The following RASGRF2 variants were observed in gnomAD, a reference collection of about 807,000 sequenced individuals.
The protein encoded by RASGRF2 is Ras protein specific guanine nucleotide releasing factor 2.
In RASGRF2, 76 loss-of-function variants were observed where a neutral mutation model predicts 151.0. That is an observed-to-expected ratio of 0.50 (90% CI 0.42 to 0.61). The LOEUF is 0.61. RASGRF2 is among the 20% of genes least tolerant of loss of function. The probability of loss-of-function intolerance (pLI) is 0.00; values close to 1 mark genes in which losing one functional copy is unlikely to be tolerated. For synonymous variants in RASGRF2, 504 were observed against 566.5 expected (o/e 0.89, Z 1.57); for missense variants, 1,148 against 1,564.6 (o/e 0.73, Z 4.49).
chr5:81,053,572 G>A (rs535082740), intron 2 of RASGRF2, among the ~76,000 whole-genome samples: 94 of 152,206 alleles, frequency 6.2e-4, no homozygotes, highest in Non-Finnish European at 1.2e-3. Flanking sequence ...TGTGAATAGT[G>A]CTGCAATAAA....
At chr5:81,125,082 TC>T (rs984630653) in intron 16 of RASGRF2, among the ~76,000 whole-genome samples, 23 of 152,156 alleles carry the variant, frequency 1.5e-4, no homozygotes, top group Non-Finnish European at 2.8e-4. Flanking sequence ...AGACGGGTTT[TC>T]ACTTTGTCGG....
chr5:81,220,156 TA>T (rs1448875442), intron 26 of RASGRF2, among the ~76,000 whole-genome samples: 1 of 152,162 alleles, frequency 6.6e-6, no homozygotes, highest in Non-Finnish European at 1.5e-5. Flanking sequence ...CTCCCTTACA[TA>T]AAACATTTTC....
At chr5:81,179,665 A>AT (rs1184841663) in intron 17 of RASGRF2, among the ~76,000 whole-genome samples, 2 of 152,168 alleles carry the variant, frequency 1.3e-5, no homozygotes, top group East Asian at 3.8e-4. Flanking sequence ...CTCTTGTAGT[A>AT]TTTTTTAAAT....
chr5:81,021,555 C>T (rs1184818669), intron 1 of RASGRF2, among the ~76,000 whole-genome samples: 6 of 128,460 alleles, frequency 4.7e-5, no homozygotes, highest in Middle Eastern at 4.7e-3. Flanking sequence ...TGAGATTGTG[C>T]GAGCGTGTGT....
chr5:81,090,606 G>A (rs1056021795), intron 9 of RASGRF2, among the ~76,000 whole-genome samples: 2 of 152,050 alleles, frequency 1.3e-5, no homozygotes, highest in Non-Finnish European at 1.5e-5. Flanking sequence ...ATTTCTGTAT[G>A]TACCTAATGT....
chr5:80,969,059 C>A (rs1747816562), intron 1 of RASGRF2, among the ~76,000 whole-genome samples: 1 of 149,386 alleles, frequency 6.7e-6, no homozygotes, highest in African/African-American at 2.5e-5. Flanking sequence ...GCAATTAAAT[C>A]ATTGGTGATC....
chr5:81,051,443 A>G (rs954672444), intron 2 of RASGRF2, among the ~76,000 whole-genome samples: 2 of 152,190 alleles, frequency 1.3e-5, no homozygotes, highest in Non-Finnish European at 2.9e-5. Context: ...AGCATTTTCA[A>G]CACCACAAAA....
At chr5:81,027,135 T>G (rs980919691) in intron 1 of RASGRF2, among the ~76,000 whole-genome samples, 2 of 152,216 alleles carry the variant, frequency 1.3e-5, no homozygotes, top group African/African-American at 4.8e-5. Flanking sequence ...CCACCGTCTA[T>G]TTCCAGAATG....
At chr5:81,078,851 G>C (rs565385080) in intron 5 of RASGRF2, among the ~76,000 whole-genome samples, 2 of 152,312 alleles carry the variant, frequency 1.3e-5, no homozygotes, top group African/African-American at 4.8e-5. Flanking sequence ...GAAAGGCTGG[G>C]GGAGTAAAGT....
intron 26 of RASGRF2, chr5:81,223,427 G>A (rs899627466): frequency 6.6e-6 from 1 of 151,870 alleles, no homozygotes; most frequent in Non-Finnish European, 1.5e-5. Context: ...GGATCACAAG[G>A]TCAGGAGATC....
At chr5:81,074,717 G>A (rs1330591113) in intron 5 of RASGRF2, among the ~76,000 whole-genome samples, 1 of 152,150 alleles carries the variant, frequency 6.6e-6, no homozygotes, top group African/African-American at 2.4e-5. Context: ...ATTACAATCT[G>A]TGAATGTACC....
Position 81,113,519 on chromosome 5 carries a change from C to G in RASGRF2, c.2088-19C>G. On this transcript the variant is annotated intron_variant, in intron 14 of 26. Coordinates refer to ENST00000265080, the MANE Select transcript of RASGRF2 (RefSeq NM_006909.3). ...TCACTTGGCTACAATCTCTTAGCCA[C>G]TTTTGCTCTCATTTTTAGGTCATTG... The G allele has an allele frequency of 1.3e-6, 2 of 1,589,252 alleles. No individual in the cohort carries two copies. Among genetic ancestry groups the G allele is most frequent in the Non-Finnish European group, 1.7e-6 (2 of 1,160,298 alleles).
rs1749532520 is a variant in RASGRF2 at position 81,013,422 on chromosome 5, C to T, written c.289-29455C>T. On this transcript the variant is annotated intron_variant, in intron 1 of 26. Transcript: ENST00000265080. Reference sequence around the variant, plus strand: ...TCAGTTATTCCTCAGACCAGTGAAACTGTGGCTTTCTGCTTGACTTGTGGC... The same window carrying T: ...TCAGTTATTCCTCAGACCAGTGAAATTGTGGCTTTCTGCTTGACTTGTGGC... Among the ~76,000 whole-genome samples the T allele has an allele frequency of 2.0e-5, 3 of 152,162 alleles. No individual in the cohort carries two copies. The South Asian group carries it at 6.2e-4, about 31-fold the overall frequency.
chr5:81,129,175 A>G (rs1298999331), intron 17 of RASGRF2, among the ~76,000 whole-genome samples: 1 of 152,172 alleles, frequency 6.6e-6, no homozygotes, highest in Admixed American at 6.6e-5. Flanking sequence ...AAGTGGTTTA[A>G]ATAGCCTTGT....
At chr5:80,987,998 A>C (rs1748526582) in intron 1 of RASGRF2, among the ~76,000 whole-genome samples, 1 of 133,906 alleles carries the variant, frequency 7.5e-6, no homozygotes, top group Non-Finnish European at 1.6e-5. Flanking sequence ...GTAGTTTTGA[A>C]ATAAATGTGC....
At chr5:81,053,897 T>G (rs1580257755) in intron 2 of RASGRF2, among the ~76,000 whole-genome samples, 1 of 152,266 alleles carries the variant, frequency 6.6e-6, no homozygotes, top group Non-Finnish European at 1.5e-5. Context: ...CATTTTTTCA[T>G]GTGTCTGTTG....
intron 2 of RASGRF2, among the ~76,000 whole-genome samples, chr5:81,057,024 C>T (rs528310115): frequency 6.6e-6 from 1 of 152,226 alleles, no homozygotes; most frequent in East Asian, 1.9e-4. Flanking sequence ...ATGTGTGTCT[C>T]TGCACATGAG....
At chr5:81,016,379 CAGA>C (rs1197264821) in intron 1 of RASGRF2, among the ~76,000 whole-genome samples, 1 of 152,130 alleles carries the variant, frequency 6.6e-6, no homozygotes, top group Non-Finnish European at 1.5e-5. Context: ...TTTCTCTGTC[CAGA>C]TTTTTATGAT....
chr5:81,142,811 T>G (rs1268051970), intron 17 of RASGRF2, among the ~76,000 whole-genome samples: 2 of 152,156 alleles, frequency 1.3e-5, no homozygotes, highest in Non-Finnish European at 2.9e-5. Context: ...ATGCAGGGCA[T>G]CTAACCAAGC....
Sources: gnomAD v4.1 joint callset for allele counts (sites outside exome capture counted in the v4.1 genomes callset) on GRCh38, gnomAD v4.1.1 for gene constraint, MANE v1.5 for transcripts, NCBI Gene and HGNC (gene_info 2026-07-23, HGNC 2026-07-21) for gene names.